Variants in OR4F5 observed in about 807,000 individuals in gnomAD.
The protein encoded by OR4F5 is olfactory receptor 4F5.
In OR4F5, 1 loss-of-function variant was observed where a neutral mutation model predicts 5.8. That is an observed-to-expected ratio of 0.17 (90% CI 0.06 to 0.82). The LOEUF is 0.82. OR4F5 is among the 40% of genes least tolerant of loss of function. OR4F5 has a pLI of 0.72. For missense variants in OR4F5, 47 were observed against 175.5 expected (o/e 0.27, Z 4.14); for synonymous variants, 18 against 63.7 (o/e 0.28, Z 3.42).
Position 70,310 on chromosome 1 carries a change from A to G in OR4F5, c.*302A>G, listed in dbSNP as rs1197216107. The G allele has an allele frequency of 4.8e-6, 1 of 206,312 alleles. No individual in the cohort carries two copies. Among genetic ancestry groups the G allele is most frequent in the African/African-American group, 2.3e-5 (1 of 43,116 alleles). 12.8% of individuals were successfully genotyped at this position (206,312 alleles called of 1,614,324 possible). On this transcript the variant is annotated 3_prime_UTR_variant, in exon 3 of 3. Coordinates refer to ENST00000641515, the MANE Select transcript of OR4F5 (RefSeq NM_001005484.2). ...TTCCTTCCTGTGTGACCCTAAGTTT[A>G]GTAGAAGAAAGGAGAGAAAATATAG...
intron 2 of OR4F5, among the ~76,000 whole-genome samples, chr1:66,575 TAA>T (rs1491390282): frequency 3.0e-5 from 1 of 32,894 alleles, no homozygotes; most frequent in Non-Finnish European, 1.1e-4. Flanking sequence ...AAAATATGTA[TAA>T]TATATATTAT....
At chr1:66,321 A>ATATAATATATATT (rs1639939698) in intron 2 of OR4F5, among the ~76,000 whole-genome samples, 1 of 28,516 alleles carries the variant, frequency 3.5e-5, no homozygotes, top group African/African-American at 9.6e-5. Context: ...AAATTATATA[A>ATATAATATATATT]ATATAATATA....
intron 2 of OR4F5, among the ~76,000 whole-genome samples, chr1:66,400 T>A (rs1377351114): frequency 5.2e-4 from 25 of 48,316 alleles, no homozygotes; most frequent in East Asian, 1.4e-3. Flanking sequence ...TAATATATAT[T>A]ATATAATATA....
In OR4F5 at chr1:66,259, A is replaced by T. The variant is rs1451704981; in HGVS notation, c.9+686A>T. ...TATATATTATATTATATAATATATAATATAAATATAATATAAATTATATTA... is the reference window on the plus strand; with the variant it reads ...TATATATTATATTATATAATATATATTATAAATATAATATAAATTATATTA... On this transcript the variant is annotated intron_variant, in intron 2 of 2. Transcript: ENST00000641515. Among the ~76,000 whole-genome samples, 24 of 24,702 alleles carry T rather than the reference A, an allele frequency of 9.7e-4. 1 individual carries two copies. Among genetic ancestry groups the T allele is most frequent in the African/African-American group, 3.3e-3 (18 of 5,380 alleles). The allele number at this position is 24,702 out of a possible 152,430, so 16.2% of individuals were successfully genotyped here. A position where few individuals can be genotyped will look rare whatever the true frequency, so the allele number is the denominator to read the frequency against.
At chr1:66,381 T>TATATAATATAATATAATATATATTATATA (rs545426917) in intron 2 of OR4F5, among the ~76,000 whole-genome samples, 5 of 65,264 alleles carry the variant, frequency 7.7e-5, no homozygotes, top group African/African-American at 2.6e-4. Context: ...ATATATAAAT[T>TATATAATATAATATAATATATATTATATA]ATATAATATA....
chr1:69,592 G>A lies in OR4F5; in HGVS notation c.565G>A (p.Asp189Asn), dbSNP rs746760597. 2.9e-6 allele frequency: 3 copies of A among 1,044,518 alleles called. 1 individual carries two copies. The highest frequency in any genetic ancestry group is 4.7e-5 in the East Asian group (2 of 42,164). The allele number at this position is 1,044,518 out of a possible 1,614,324, so 64.7% of individuals were successfully genotyped here. A position where few individuals can be genotyped will look rare whatever the true frequency, so the allele number is the denominator to read the frequency against. The change falls in exon 3 of 3, where the codon GAT becomes AAT. Residue 189 changes from aspartate (D) to asparagine (N), a missense_variant. Transcript: ENST00000641515. ...ACTCTTCTGTGGTCCCAATGAGGTCGATAGTTTTTATTGTGACCTTCCTAG... is the reference window on the plus strand; with the variant it reads ...ACTCTTCTGTGGTCCCAATGAGGTCAATAGTTTTTATTGTGACCTTCCTAG... ...HLLFCGPNEV[D>N]SFYCDLPRVI...
chr1:68,199 G>T lies in OR4F5; in HGVS notation c.10-838G>T, dbSNP rs1034541189. Reference sequence around the variant, plus strand: ...TAGATAACCCAGGATTTGAACACAGGCCTCCTAGCACACAAGCTCATATCT... The same window carrying T: ...TAGATAACCCAGGATTTGAACACAGTCCTCCTAGCACACAAGCTCATATCT... On this transcript the variant is annotated intron_variant, in intron 2 of 2. Transcript: ENST00000641515. Among the ~76,000 whole-genome samples, 5 of 78,160 alleles carry T rather than the reference G, an allele frequency of 6.4e-5. 1 individual carries two copies. The highest frequency in any genetic ancestry group is 9.9e-5 in the African/African-American group (3 of 30,172). 51.3% of individuals were successfully genotyped at this position (78,160 alleles called of 152,430 possible). A position where few individuals can be genotyped will look rare whatever the true frequency, so the allele number is the denominator to read the frequency against.
intron 2 of OR4F5, among the ~76,000 whole-genome samples, chr1:66,306 A>T (rs1227835949): frequency 2.4e-5 from 1 of 42,420 alleles, no homozygotes; most frequent in Non-Finnish European, 4.9e-5. Context: ...ATATAAATAT[A>T]ATATAAATTA....
At chr1:66,268 TA>T in intron 2 of OR4F5, among the ~76,000 whole-genome samples, 1 of 30,372 alleles carries the variant, frequency 3.3e-5, no homozygotes, top group East Asian at 6.0e-4. Context: ...AATATAAATA[TA>T]ATATAAATTA....
rs1406210746 is a variant in OR4F5, at chr1:70,601, G to A, written c.*593G>A. ...TGTGAAATGTGCCTTCTAGGTCCTA[G>A]ACGTCTGTGGTATAACTGCTCATAA... On this transcript the variant is annotated 3_prime_UTR_variant, in exon 3 of 3. Coordinates refer to ENST00000641515, the MANE Select transcript of OR4F5 (RefSeq NM_001005484.2). 4 of 99,206 alleles carry A rather than the reference G, an allele frequency of 4.0e-5. 1 individual carries two copies. The highest frequency in any genetic ancestry group is 9.4e-5 in the Non-Finnish European group (4 of 42,672). The allele number at this position is 99,206 out of a possible 1,614,324, so 6.1% of individuals were successfully genotyped here. A position where few individuals can be genotyped will look rare whatever the true frequency, so the allele number is the denominator to read the frequency against.
At position 69,586 on chromosome 1, in the gene OR4F5, G is replaced by A; in HGVS notation, c.559G>A (p.Glu187Lys). 1 of 1,045,640 alleles carries A rather than the reference G, an allele frequency of 9.6e-7. No homozygotes were observed. The highest frequency in any genetic ancestry group is 2.4e-5 in the East Asian group (1 of 42,190). 64.8% of individuals were successfully genotyped at this position (1,045,640 alleles called of 1,614,324 possible). ...AVHLLFCGPN[E>K]VDSFYCDLPR... ...GCACTTACTCTTCTGTGGTCCCAATGAGGTCGATAGTTTTTATTGTGACCT... is the reference window on the plus strand; with the variant it reads ...GCACTTACTCTTCTGTGGTCCCAATAAGGTCGATAGTTTTTATTGTGACCT... The change falls in exon 3 of 3, where the codon GAG becomes AAG. Residue 187 changes from glutamate to lysine, a missense_variant. By Grantham distance (56) the Glu-to-Lys change is moderately conservative. Coordinates refer to ENST00000641515, the MANE Select transcript of OR4F5 (RefSeq NM_001005484.2).
At chr1:66,192 T>TTA (rs1457232118) in intron 2 of OR4F5, among the ~76,000 whole-genome samples, 1 of 88,944 alleles carries the variant, frequency 1.1e-5, no homozygotes, top group East Asian at 2.2e-4. Context: ...TACTATATAT[T>TTA]TATATATATT....
chr1:66,378 A>ATATAATATAT (rs1557435572), intron 2 of OR4F5, among the ~76,000 whole-genome samples: 8 of 6,364 alleles, frequency 1.3e-3, no homozygotes, highest in African/African-American at 3.4e-3. Context: ...ATAATATATA[A>ATATAATATAT]ATTATATAAT....
At chr1:67,375 G>C (rs1639958205) in intron 2 of OR4F5, among the ~76,000 whole-genome samples, 1 of 99,470 alleles carries the variant, frequency 1.0e-5, no homozygotes, top group Admixed American at 1.0e-4. Context: ...TAAGAAATGG[G>C]ATTCAGAGTA....
At position 66,340 on chromosome 1, in the gene OR4F5, TATATA is replaced by T. The variant is rs1449339641; in HGVS notation, c.9+778_9+782del. ...TATATAAATATAATATATATTTTAT[TATATA>T]ATATAATATATATTATATAAATATA... is the stretch of plus-strand genomic sequence containing the variant. On this transcript the variant is annotated intron_variant, in intron 2 of 2. Transcript: ENST00000641515. Among the ~76,000 whole-genome samples the T allele has an allele frequency of 4.1e-3, 167 of 40,384 alleles. 6 individuals are homozygous for T. The highest frequency in any genetic ancestry group is 0.01 in the African/African-American group (157 of 15,638). The allele number at this position is 40,384 out of a possible 152,430, so 26.5% of individuals were successfully genotyped here.
At chr1:66,674 T>G (rs1381069045) in intron 2 of OR4F5, among the ~76,000 whole-genome samples, 3 of 115,114 alleles carry the variant, frequency 2.6e-5, no homozygotes, top group Non-Finnish European at 3.9e-5. Context: ...GCATGAAAGA[T>G]TTTACCTGTC....
intron 2 of OR4F5, among the ~76,000 whole-genome samples, chr1:66,405 A>T (rs1287239603): frequency 1.4e-4 from 5 of 35,136 alleles, no homozygotes; most frequent in Middle Eastern, 0.013. Flanking sequence ...TATATTATAT[A>T]ATATAATATA....
chr1:69,557 C>T lies in OR4F5; in HGVS notation c.530C>T (p.Ala177Val). The stretch of plus-strand genomic sequence containing the variant: ...CATTCGGTGAGCCAGTTGGCGTTTG[C>T]CGTGCACTTACTCTTCTGTGGTCCC... ...FLHSVSQLAF[A>V]VHLLFCGPNE... is the part of the protein sequence containing the mutation. The change falls in exon 3 of 3, where the codon GCC becomes GTC. Residue 177 changes from alanine to valine, a missense_variant. Ala to Val is a moderately conservative substitution (Grantham distance 64). Around this residue, in one of 3 missense-constraint regions of OR4F5, gnomAD observed 40 missense variants for 68.3 expected, o/e 0.59. Transcript: ENST00000641515. The T allele has an allele frequency of 1.9e-6, 2 of 1,027,000 alleles. No individual in the cohort carries two copies. Among genetic ancestry groups the T allele is most frequent in the Non-Finnish European group, 2.7e-6 (2 of 732,468 alleles). 63.6% of individuals were successfully genotyped at this position (1,027,000 alleles called of 1,614,324 possible). A position where few individuals can be genotyped will look rare whatever the true frequency, so the allele number is the denominator to read the frequency against.
At position 66,438 on chromosome 1, in the gene OR4F5, ATAT is replaced by A. The variant is rs1557435738; in HGVS notation, c.9+869_9+871del. Among the ~76,000 whole-genome samples, 28 of 59,248 alleles carry A rather than the reference ATAT, an allele frequency of 4.7e-4. 1 individual carries two copies. Among genetic ancestry groups the A allele is most frequent in the African/African-American group, 2.1e-3 (27 of 12,864 alleles). The allele number at this position is 59,248 out of a possible 152,430, so 38.9% of individuals were successfully genotyped here. A position where few individuals can be genotyped will look rare whatever the true frequency, so the allele number is the denominator to read the frequency against. On this transcript the variant is annotated intron_variant, in intron 2 of 2. Transcript: ENST00000641515. Reference sequence around the variant, plus strand: ...ATATTTTATTATATAAATATATATTATATTATATAATATATATTTTATTATATA... The same window carrying A: ...ATATTTTATTATATAAATATATATTATATATAATATATATTTTATTATATA...
Sources: allele counts gnomAD v4.1 joint callset (sites outside exome capture counted in the v4.1 genomes callset), GRCh38; gene constraint gnomAD v4.1.1; regional missense constraint gnomAD v4.1.1; transcripts MANE v1.5; gene names NCBI Gene and HGNC (gene_info 2026-07-23, HGNC 2026-07-21).